The following SLC36A1 variants were observed in gnomAD, a reference collection of about 807,000 sequenced individuals.
The protein encoded by SLC36A1 is proton-coupled amino acid transporter 1.
A neutral mutation model predicts 47.5 loss-of-function variants in SLC36A1; 30 were observed. The observed-to-expected ratio is 0.63, with a 90% CI of 0.47 to 0.86. The LOEUF is 0.86. Ranked by LOEUF, SLC36A1 falls within the 40% of genes least tolerant of loss-of-function variation. The probability of loss-of-function intolerance (pLI) is 0.00; values close to 1 mark genes in which losing one functional copy is unlikely to be tolerated. For missense variants in SLC36A1, 517 were observed against 606.0 expected (o/e 0.85, Z 1.54); for synonymous variants, 255 against 249.7 (o/e 1.02, Z -0.20).
At chr5:151,480,242 A>G (rs552455282) in intron 10 of SLC36A1, 2 of 470,164 alleles carry the variant, frequency 4.3e-6, no homozygotes, top group East Asian at 3.4e-5. Context: ...TCCAAATTCA[A>G]ATGCTTAAAA....
At chr5:151,516,086 T>C in the SLC36A1 span, among the ~76,000 whole-genome samples, 1 of 152,206 alleles carries the variant, frequency 6.6e-6, no homozygotes, top group Non-Finnish European at 1.5e-5. Flanking sequence ...GGCTTTCACA[T>C]TGCTATTCCC....
At chr5:151,499,549 G>T in the SLC36A1 span, among the ~76,000 whole-genome samples, 1 of 152,108 alleles carries the variant, frequency 6.6e-6, no homozygotes, top group East Asian at 1.9e-4. Context: ...AACAGATGTC[G>T]TTTTCCCCCC....
At chr5:151,529,503 G>T in the SLC36A1 span, 1 of 816,350 alleles carries the variant, frequency 1.2e-6, no homozygotes, top group Non-Finnish European at 2.0e-6. Flanking sequence ...GCTAGGCAAG[G>T]TAAGTGTCCT....
chr5:151,376,536 T>G, the SLC36A1 span, among the ~76,000 whole-genome samples: 1 of 152,232 alleles, frequency 6.6e-6, no homozygotes, highest in Non-Finnish European at 1.5e-5. Flanking sequence ...TCTTTCTATT[T>G]TGTTTTGATG....
the SLC36A1 span, among the ~76,000 whole-genome samples, chr5:151,533,658 G>T: frequency 6.6e-6 from 1 of 151,916 alleles, no homozygotes; most frequent in East Asian, 1.9e-4. Context: ...GATGCTGAGA[G>T]CATTTTTTTT....
the SLC36A1 span, among the ~76,000 whole-genome samples, chr5:151,381,686 T>C: frequency 6.6e-6 from 1 of 152,134 alleles, no homozygotes; most frequent in African/African-American, 2.4e-5. Context: ...TAAACTGGCT[T>C]GTCTGATCTT....
At chr5:151,517,825 C>T in the SLC36A1 span, 9 of 1,582,036 alleles carry the variant, frequency 5.7e-6, no homozygotes, top group African/African-American at 1.4e-5. Context: ...AGCCCTTGGA[C>T]TGACTTTGTC....
the SLC36A1 span, among the ~76,000 whole-genome samples, chr5:151,390,046 T>C: frequency 2.2e-4 from 33 of 152,212 alleles, no homozygotes; most frequent in Non-Finnish European, 3.4e-4. Flanking sequence ...AGTGTTCCTA[T>C]TTCTCCACAT....
At chr5:151,540,735 G>A in the SLC36A1 span, 3 of 1,613,944 alleles carry the variant, frequency 1.9e-6, no homozygotes, top group South Asian at 2.2e-5. Flanking sequence ...CAACTTGGCT[G>A]ATGCCAAACT....
the SLC36A1 span, chr5:151,380,836 A>G: frequency 8.3e-6 from 4 of 482,406 alleles, no homozygotes; most frequent in Non-Finnish European, 1.7e-5. Context: ...CAGCAGACCC[A>G]CTGCCTCCAG....
At chr5:151,437,189 T>A (rs79567641) in intron 1 of SLC36A1, 3 of 152,354 alleles carry the variant, frequency 2.0e-5, no homozygotes, top group Middle Eastern at 3.4e-3. Context: ...AGTAAGAGTT[T>A]AGGGGAGGCT....
chr5:151,555,111 A>G, the SLC36A1 span, among the ~76,000 whole-genome samples: 1 of 152,306 alleles, frequency 6.6e-6, no homozygotes, highest in Non-Finnish European at 1.5e-5. Context: ...GATGCATGCA[A>G]TGAAATCCAG....
At chr5:151,409,340 G>A in the SLC36A1 span, among the ~76,000 whole-genome samples, 5 of 152,126 alleles carry the variant, frequency 3.3e-5, no homozygotes, top group East Asian at 1.9e-4. Context: ...TGCTCAGGCA[G>A]GAGGGCCCTC....
chr5:151,554,613 T>C, the SLC36A1 span: 1 of 1,614,120 alleles, frequency 6.2e-7, no homozygotes, highest in Non-Finnish European at 8.5e-7. Context: ...ACGTCCAAGA[T>C]GCCTACCACC....
chr5:151,442,891 T>C (rs76041983), upstream of SLC36A1, among the ~76,000 whole-genome samples: 2,518 of 152,304 alleles, frequency 0.017, 77 homozygotes, highest in East Asian at 0.15. Flanking sequence ...AATGAGAGCA[T>C]GCAATATTTT....
chr5:151,390,859 C>G, the SLC36A1 span, among the ~76,000 whole-genome samples: 4 of 152,228 alleles, frequency 2.6e-5, no homozygotes, highest in African/African-American at 9.6e-5. Context: ...CAGCTTTGTT[C>G]TTTTGGCTTA....
chr5:151,552,712 G>A, the SLC36A1 span, among the ~76,000 whole-genome samples: 12 of 152,186 alleles, frequency 7.9e-5, no homozygotes, highest in South Asian at 2.1e-4. Context: ...ATCAGAGCCC[G>A]GATCCAAGTG....
At chr5:151,529,466 C>T in the SLC36A1 span, 4 of 1,328,312 alleles carry the variant, frequency 3.0e-6, no homozygotes, top group Non-Finnish European at 4.3e-6. Flanking sequence ...GGTCTGAGCC[C>T]AGCCCTAGGA....
chr5:151,411,839 G>A, the SLC36A1 span, among the ~76,000 whole-genome samples: 3 of 144,290 alleles, frequency 2.1e-5, no homozygotes, highest in Admixed American at 2.1e-4. Flanking sequence ...CTCCTTCATA[G>A]CATTAATATG....
Sources: gnomAD v4.1 joint callset for allele counts (sites outside exome capture counted in the v4.1 genomes callset) on GRCh38, gnomAD v4.1.1 for gene constraint, MANE v1.5 for transcripts, NCBI Gene and HGNC (gene_info 2026-07-23, HGNC 2026-07-21) for gene names.